Variants in IL34 observed in about 807,000 individuals in gnomAD.
IL34 encodes interleukin-34.
IL34 carries 17 observed loss-of-function variants against 25.3 expected under a neutral mutation model. The observed-to-expected ratio is 0.67, with a 90% CI of 0.46 to 1.01. The LOEUF (loss-of-function observed/expected upper bound fraction) is 1.01, where lower values mean the gene tolerates loss of function less well. Among genes scored for constraint, IL34 ranks in the 50% least tolerant of loss-of-function variants. The pLI is 0.00. For synonymous variants in IL34, 174 were observed against 140.9 expected, an observed-to-expected ratio of 1.23 and a Z score of -1.66; for missense variants, 368 against 312.9, an observed-to-expected ratio of 1.18 and a Z score of -1.33.
At chr16:70,645,348 C>G (rs1304714800), upstream of IL34, among the ~76,000 whole-genome samples, 1 of 152,110 alleles carries the variant, frequency 6.6e-6, no homozygotes, top group East Asian at 1.9e-4. Flanking sequence ...TTTGGTGACA[C>G]CATGGATCAC....
intron 1 of IL34, among the ~76,000 whole-genome samples, chr16:70,639,626 C>G (rs1173616816): frequency 6.6e-6 from 1 of 152,158 alleles, no homozygotes; most frequent in Non-Finnish European, 1.5e-5. Context: ...AGGGCTTGAG[C>G]TTGACCCTGT....
chr16:70,599,238 T>C (rs2050869012), intron 1 of IL34, among the ~76,000 whole-genome samples: 1 of 150,620 alleles, frequency 6.6e-6, no homozygotes, highest in African/African-American at 2.4e-5. Context: ...TTTATTACTT[T>C]GTCTTATACC....
At chr16:70,650,753 C>G (rs1243829733) in intron 1 of IL34, among the ~76,000 whole-genome samples, 1 of 152,082 alleles carries the variant, frequency 6.6e-6, no homozygotes, top group East Asian at 1.9e-4. Flanking sequence ...AAGGTAGACT[C>G]TCTGCATCCT....
chr16:70,646,591 A>G lies in IL34; in HGVS notation c.-357A>G. The G allele has an allele frequency of 3.1e-6, 1 of 320,332 alleles. No homozygotes were observed. Among genetic ancestry groups the G allele is most frequent in the Non-Finnish European group, 5.7e-6 (1 of 176,498 alleles). The allele number at this position is 320,332 out of a possible 1,614,324, so 19.8% of individuals were successfully genotyped here. A position where few individuals can be genotyped will look rare whatever the true frequency, so the allele number is the denominator to read the frequency against. On this transcript the variant is annotated 5_prime_UTR_variant, in exon 1 of 6. Transcript: ENST00000288098. ...GCAGCTGCAGTCGGAGAAATCAGAG[A>G]AAGCGTCACCCAGCCCCAGATTCCG...
chr16:70,587,567 C>T (rs915179912), intron 1 of IL34, among the ~76,000 whole-genome samples: 5 of 151,904 alleles, frequency 3.3e-5, no homozygotes, highest in African/African-American at 9.7e-5. Context: ...CACCGCGCCC[C>T]GCTGACAGTG....
intron 1 of IL34, among the ~76,000 whole-genome samples, chr16:70,648,604 C>T (rs1461391383): frequency 1.6e-5 from 2 of 123,436 alleles, no homozygotes; most frequent in Non-Finnish European, 1.7e-5. Context: ...GAAAGAAAAG[C>T]AAGGGAGAGG....
At chr16:70,592,179 A>G (rs2050763471) in intron 1 of IL34, among the ~76,000 whole-genome samples, 1 of 148,050 alleles carries the variant, frequency 6.8e-6, no homozygotes, top group Admixed American at 6.7e-5. Flanking sequence ...AAAGCCATAC[A>G]ATGCATAAAG....
At chr16:70,580,182 AG>A (rs1278793267) in intron 1 of IL34, 1 of 152,314 alleles carries the variant, frequency 6.6e-6, no homozygotes, top group African/African-American at 2.4e-5. Context: ...TGACAAAGAC[AG>A]TCCCAGCCAA....
upstream of IL34, among the ~76,000 whole-genome samples, chr16:70,643,172 C>T (rs958387452): frequency 6.6e-6 from 1 of 152,062 alleles, no homozygotes; most frequent in South Asian, 2.1e-4. Flanking sequence ...AAGTGATTCT[C>T]CTGCCTCAGC....
chr16:70,608,119 C>CT (rs59317422), intron 1 of IL34, among the ~76,000 whole-genome samples: 2,482 of 68,514 alleles, frequency 0.036, 126 homozygotes, highest in African/African-American at 0.096. Flanking sequence ...GATTGATTTT[C>CT]TTTTTTCTTT....
intron 1 of IL34, among the ~76,000 whole-genome samples, chr16:70,614,005 C>G (rs1490160757): frequency 6.6e-6 from 1 of 151,190 alleles, no homozygotes; most frequent in Non-Finnish European, 1.5e-5. Context: ...CTGGGCAATA[C>G]AACAAGGCTT....
At chr16:70,638,500 C>G (rs912006414) in intron 1 of IL34, among the ~76,000 whole-genome samples, 4 of 152,064 alleles carry the variant, frequency 2.6e-5, no homozygotes, top group African/African-American at 7.2e-5. Flanking sequence ...CCTGGGGAAA[C>G]TTTCCTGCCT....
chr16:70,639,631 C>CTTGCGCTTGAG (rs35752828), intron 1 of IL34, among the ~76,000 whole-genome samples: 2 of 151,668 alleles, frequency 1.3e-5, no homozygotes, highest in African/African-American at 2.4e-5. Context: ...TTGAGCTTGA[C>CTTGCGCTTGAG]CCTGTTCCCA....
At chr16:70,621,692 G>T (rs1204820189) in intron 1 of IL34, among the ~76,000 whole-genome samples, 1 of 152,110 alleles carries the variant, frequency 6.6e-6, no homozygotes, top group African/African-American at 2.4e-5. Flanking sequence ...GTGCAGGCAG[G>T]CTGAGTCCGA....
intron 1 of IL34, among the ~76,000 whole-genome samples, chr16:70,585,012 T>G (rs1327789734): frequency 3.9e-5 from 6 of 152,118 alleles, no homozygotes; most frequent in African/African-American, 9.7e-5. Context: ...TCTTAATTAT[T>G]TTTAAGGTTA....
At chr16:70,654,186 T>A (rs577884613) in intron 1 of IL34, 13 of 190,860 alleles carry the variant, frequency 6.8e-5, no homozygotes, top group African/African-American at 3.0e-4. Context: ...TGAAAACATA[T>A]CACCCGGACA....
chr16:70,590,824 G>A (rs572482594), intron 1 of IL34, among the ~76,000 whole-genome samples: 27 of 152,140 alleles, frequency 1.8e-4, no homozygotes, highest in African/African-American at 6.0e-4. Flanking sequence ...CCGTCCCCCC[G>A]CAAGCTGGCC....
intron 1 of IL34, among the ~76,000 whole-genome samples, chr16:70,639,464 G>A (rs554980535): frequency 6.6e-6 from 1 of 152,222 alleles, no homozygotes; most frequent in Non-Finnish European, 1.5e-5. Flanking sequence ...CAGAAAGCGA[G>A]ATGATGAATT....
Position 70,657,109 on chromosome 16 carries a change from G to GC in IL34, c.391dup (p.Gln131ProfsTer51). 6.2e-7 allele frequency: 1 copy of GC among 1,612,932 alleles called. No homozygotes were observed. Among genetic ancestry groups the GC allele is most frequent in the Non-Finnish European group, 8.5e-7 (1 of 1,179,812 alleles). ...TGGAGACGCTGCTGCTGAATGTCCA[G>GC]CAGGGCCTCACGGTGAGTTGTGTGG... On this transcript the variant is annotated frameshift_variant, in exon 4 of 6. Coordinates refer to ENST00000288098, the MANE Select transcript of IL34 (RefSeq NM_001393494.1). LOFTEE classifies it high-confidence loss of function.
Sources: gnomAD v4.1 joint callset for allele counts (sites outside exome capture counted in the v4.1 genomes callset) on GRCh38, gnomAD v4.1.1 for gene constraint, MANE v1.5 for transcripts, NCBI Gene and HGNC (gene_info 2026-07-23, HGNC 2026-07-21) for gene names.